NT5C1B: variants seen among roughly 807,000 people sequenced by gnomAD.
The protein encoded by NT5C1B is 5'-nucleotidase, cytosolic IB, also known as cytosolic 5'-nucleotidase 1B.
A neutral mutation model predicts 57.8 loss-of-function variants in NT5C1B; 44 were observed. The ratio of observed to expected loss-of-function variants is 0.76; its 90% CI spans 0.60 to 0.98. The LOEUF (loss-of-function observed/expected upper bound fraction) is 0.98. NT5C1B is among the 50% of genes least tolerant of loss of function. The pLI, the probability that NT5C1B is intolerant of heterozygous loss-of-function variation, is 0.00. For synonymous variants in NT5C1B, 284 were observed against 282.6 expected, an observed-to-expected ratio of 1.00 and a Z score of -0.05; for missense variants, 742 against 719.5, an observed-to-expected ratio of 1.03 and a Z score of -0.36.
chr2:18,579,422 G>A (rs1665985868), intron 6 of NT5C1B, among the ~76,000 whole-genome samples: 1 of 152,132 alleles, frequency 6.6e-6, no homozygotes, highest in African/African-American at 2.4e-5. Context: ...AAACAGCATG[G>A]TGCCGGTATA....
At chr2:18,587,248 C>A in intron 2 of NT5C1B, 2 of 1,524,534 alleles carry the variant, frequency 1.3e-6, no homozygotes, top group Non-Finnish European at 8.8e-7. Context: ...AAAGACCAGT[C>A]TCCCCCCTGT....
intron 8 of NT5C1B, 129 bp from the exon 9 acceptor site, chr2:18,564,248 G>T: frequency 9.2e-7 from 1 of 1,083,208 alleles, no homozygotes; most frequent in Non-Finnish European, 1.2e-6. Flanking sequence ...GTGTTATGAA[G>T]CTGATGGCAA....
rs1162482828 is a variant in NT5C1B, at chr2:18,584,527, G to A, written c.710C>T (p.Ser237Leu). 3.7e-6 allele frequency: 6 copies of A among 1,610,334 alleles called. No individual in the cohort carries two copies. Among genetic ancestry groups the A allele is most frequent in the African/African-American group, 2.7e-5 (2 of 74,814 alleles). Residue 237 changes from serine (S) to leucine (L), a missense_variant, in exon 4 of 9, where the codon TCG becomes TTG. By Grantham distance (145) the Ser-to-Leu change is moderately radical. Transcript: ENST00000304081. This position sits in a 1 kb window ranked among gnomAD's most constrained non-coding sequence, Gnocchi z 5.8. ...GGGCTGGCTCACCGGCCAGGGGCGC[G>A]AGCAGCTCGGGTTCTTCTCGTAGAA...
chr2:18,580,485 C>A (rs1458589172), intron 6 of NT5C1B, among the ~76,000 whole-genome samples: 1 of 152,076 alleles, frequency 6.6e-6, no homozygotes, highest in African/African-American at 2.4e-5. Context: ...CGTGGTGGCA[C>A]ATGCCTGTAA....
rs778801437 is a variant in NT5C1B, at chr2:18,586,248, CT to C, written c.258+5del. 1 of 1,612,662 alleles carries C rather than the reference CT, an allele frequency of 6.2e-7. No individual in the cohort carries two copies. The highest frequency in any genetic ancestry group is 1.3e-5 in the African/African-American group (1 of 74,958). On this transcript the variant is annotated splice_donor_5th_base_variant and intron_variant, in intron 3 of 8. Transcript: ENST00000304081. Reference sequence around the variant, plus strand: ...ATCTACTACTCCCTTTCATCTTTACCTCTACCTTAGCACTGGTGTTCCTGCT... The same window carrying C: ...ATCTACTACTCCCTTTCATCTTTACCCTACCTTAGCACTGGTGTTCCTGCT...
At chr2:18,567,296 C>T (rs1402447943) in intron 8 of NT5C1B, among the ~76,000 whole-genome samples, 1 of 152,170 alleles carries the variant, frequency 6.6e-6, no homozygotes, top group African/African-American at 2.4e-5. Flanking sequence ...GAGCTTCAAA[C>T]ACTGTTATCC....
intron 3 of NT5C1B, among the ~76,000 whole-genome samples, chr2:18,586,043 A>C (rs1666677525): frequency 6.6e-6 from 1 of 152,164 alleles, no homozygotes; most frequent in African/African-American, 2.4e-5. Flanking sequence ...TCTACCACTT[A>C]TTAATGTGAA....
In NT5C1B at chr2:18,564,927, C is replaced by T. The variant is rs560573181; in HGVS notation, c.1330-808G>A. ...TACAACTATAACCTTTTATAGTACC[C>T]TCAGTCCTCTATTTTAAAAAGAATC... is the stretch of plus-strand genomic sequence containing the variant. On this transcript the variant is annotated intron_variant, in intron 8 of 8. Coordinates refer to ENST00000304081, the Ensembl canonical transcript of NT5C1B. Among the ~76,000 whole-genome samples, 29 of 152,154 alleles carry T rather than the reference C, an allele frequency of 1.9e-4. No homozygotes were observed. In the South Asian group the frequency reaches 5.0e-3, roughly 26 times the overall value.
intron 5 of NT5C1B, 171 bp downstream of exon 5, chr2:18,583,917 T>A: frequency 8.9e-7 from 1 of 1,117,758 alleles, no homozygotes; most frequent in Non-Finnish European, 1.3e-6. Flanking sequence ...TCCTCCACAG[T>A]CTGGAAGCCT....
In NT5C1B at chr2:18,584,437, C is replaced by G; in HGVS notation, c.723+77G>C. The G allele has an allele frequency of 6.4e-7, 1 of 1,551,862 alleles. No individual in the cohort carries two copies. Among genetic ancestry groups the G allele is most frequent in the Non-Finnish European group, 8.7e-7 (1 of 1,150,726 alleles). ...GAGGAGAAGCGGGAGGACCTCCCTG[C>G]GCAGTGGAGAGGAGGGCGGCTGGAA... On this transcript the variant is annotated intron_variant, in intron 4 of 8. Transcript: ENST00000304081. This position sits in a 1 kb window ranked among gnomAD's most constrained non-coding sequence, Gnocchi z 5.8.
chr2:18,565,375 T>G (rs1664555007), intron 8 of NT5C1B, among the ~76,000 whole-genome samples: 1 of 152,204 alleles, frequency 6.6e-6, no homozygotes, highest in African/African-American at 2.4e-5. Flanking sequence ...CAAAAACATC[T>G]TATGGTAATA....
At chr2:18,585,568 C>G (rs375914940) in intron 3 of NT5C1B, among the ~76,000 whole-genome samples, 13 of 152,090 alleles carry the variant, frequency 8.5e-5, no homozygotes, top group African/African-American at 2.9e-4. Flanking sequence ...CTCCTTGTGC[C>G]GGTGAAGCAC....
intron 2 of NT5C1B, chr2:18,587,067 G>A (rs899091574): frequency 2.5e-6 from 4 of 1,614,188 alleles, no homozygotes; most frequent in Non-Finnish European, 3.4e-6. Flanking sequence ...TGTGTGGCAG[G>A]GGCCAAGGGC....
intron 8 of NT5C1B, among the ~76,000 whole-genome samples, chr2:18,569,253 A>G (rs1172919784): frequency 6.6e-6 from 1 of 152,190 alleles, no homozygotes; most frequent in Admixed American, 6.5e-5. Flanking sequence ...TCATAAGCCA[A>G]TAGTGGAGAT....
intron 3 of NT5C1B, 93 bp downstream of exon 3, chr2:18,586,161 C>T (rs527236778): frequency 2.0e-6 from 3 of 1,534,920 alleles, no homozygotes; most frequent in Middle Eastern, 2.4e-4. Flanking sequence ...ATGTAAAGCA[C>T]ATAAACAGGG....
At position 18,567,893 on chromosome 2, in the gene NT5C1B, T is replaced by C. The variant is rs145293780; in HGVS notation, c.1330-3774A>G. Among the ~76,000 whole-genome samples, 471 of 152,266 alleles carry C rather than the reference T, an allele frequency of 3.1e-3. 3 individuals carry two copies. The highest frequency in any genetic ancestry group is 0.011 in the African/African-American group (438 of 41,552). ...ACCATACATGAGTAGACTAGCAATT[T>C]TGGCAAAGAGATTGAAATGAAAAGA... On this transcript the variant is annotated intron_variant, in intron 8 of 8. Coordinates refer to ENST00000304081, the Ensembl canonical transcript of NT5C1B.
intron 8 of NT5C1B, among the ~76,000 whole-genome samples, chr2:18,571,997 A>T (rs908871869): frequency 3.3e-5 from 5 of 149,904 alleles, no homozygotes; most frequent in African/African-American, 1.2e-4. Context: ...GAGGCAGGAG[A>T]ATCTCTTGAA....
At chr2:18,580,330 A>G (rs1666072177) in intron 6 of NT5C1B, among the ~76,000 whole-genome samples, 1 of 152,202 alleles carries the variant, frequency 6.6e-6, no homozygotes, top group Admixed American at 6.5e-5. Flanking sequence ...GAATATATGC[A>G]TGGCAGGGCA....
chr2:18,573,669 G>C (rs1374069769), intron 8 of NT5C1B, among the ~76,000 whole-genome samples: 1 of 152,042 alleles, frequency 6.6e-6, no homozygotes, highest in Non-Finnish European at 1.5e-5. Context: ...ACAAAATTAA[G>C]ATACTGTCAT....
Sources: allele counts gnomAD v4.1 joint callset (sites outside exome capture counted in the v4.1 genomes callset), GRCh38; gene constraint gnomAD v4.1.1; non-coding constraint Gnocchi (gnomAD v3.1); transcripts MANE v1.5; gene names NCBI Gene and HGNC (gene_info 2026-07-23, HGNC 2026-07-21).